PCDH15: variants seen among roughly 807,000 people sequenced by gnomAD.
The protein encoded by PCDH15 is protocadherin related 15.
PCDH15 carries 129 observed loss-of-function variants against 178.5 expected under a neutral mutation model. The ratio of observed to expected loss-of-function variants is 0.72; its 90% CI spans 0.63 to 0.84. The LOEUF (loss-of-function observed/expected upper bound fraction) is 0.84, where lower values mean the gene tolerates loss of function less well. Ranked by LOEUF, PCDH15 falls within the 40% of genes least tolerant of loss-of-function variation. The pLI is 0.00. For missense variants in PCDH15, 2,230 were observed against 2,099.9 expected (o/e 1.06, Z -1.21); for synonymous variants, 800 against 732.0 (o/e 1.09, Z -1.50).
At chr10:54,972,923 A>G (rs1209917841) in intron 2 of PCDH15, among the ~76,000 whole-genome samples, 1 of 151,542 alleles carries the variant, frequency 6.6e-6, no homozygotes, top group Non-Finnish European at 1.5e-5. Context: ...TTATTTTATA[A>G]AAAAGAATGA....
chr10:54,345,801 C>CAAAAAAAA lies in PCDH15; in HGVS notation c.594+556_594+563dup, dbSNP rs540507383. ...TGGGCAACAGAGCGAGACTCCGTCT[C>CAAAAAAAA]AAAAAAAAAAAAAAAAAAAAAAAAA... On this transcript the variant is annotated intron_variant, in intron 6 of 37. Transcript: ENST00000644397. 3.4e-4 allele frequency among the ~76,000 whole-genome samples: 18 copies of CAAAAAAAA among 52,464 alleles called. 1 individual carries two copies. Among genetic ancestry groups the CAAAAAAAA allele is most frequent in the East Asian group, 1.1e-3 (1 of 876 alleles). The allele number at this position is 52,464 out of a possible 152,430, so 34.4% of individuals were successfully genotyped here.
intron 2 of PCDH15, among the ~76,000 whole-genome samples, chr10:55,414,170 A>G (rs796331036): frequency 2.6e-4 from 39 of 151,740 alleles, no homozygotes; most frequent in African/African-American, 8.9e-4. Flanking sequence ...TTGCCTCATT[A>G]AAAGTGTGCC....
At chr10:54,337,903 G>T (rs565488098) in intron 6 of PCDH15, among the ~76,000 whole-genome samples, 2 of 152,162 alleles carry the variant, frequency 1.3e-5, no homozygotes, top group African/African-American at 2.4e-5. Flanking sequence ...TCTGAAATGT[G>T]TCTTAGCTTG....
chr10:55,594,325 G>T (rs1378209863), intron 2 of PCDH15, among the ~76,000 whole-genome samples: 2 of 151,858 alleles, frequency 1.3e-5, no homozygotes, highest in Non-Finnish European at 2.9e-5. Context: ...TTTTAGAGTT[G>T]TTTGATGCAA....
chr10:55,169,564 A>T (rs762125321), intron 1 of PCDH15, among the ~76,000 whole-genome samples: 54 of 152,162 alleles, frequency 3.5e-4, no homozygotes, highest in Non-Finnish European at 7.2e-4. Context: ...ATTAACATAA[A>T]AGCAGGTTTT....
chr10:55,588,740 A>C (rs2132128703), intron 2 of PCDH15, among the ~76,000 whole-genome samples: 1 of 152,292 alleles, frequency 6.6e-6, no homozygotes, highest in Non-Finnish European at 1.5e-5. Flanking sequence ...GAAGTCAAAA[A>C]GGTGAATATA....
intron 15 of PCDH15, among the ~76,000 whole-genome samples, chr10:54,116,790 T>G (rs940272948): frequency 7.2e-5 from 11 of 152,218 alleles, no homozygotes; most frequent in African/African-American, 2.7e-4. Flanking sequence ...AATTTTAAAG[T>G]GATTTGACAG....
At chr10:55,403,684 C>A (rs1838128669) in intron 2 of PCDH15, among the ~76,000 whole-genome samples, 1 of 151,852 alleles carries the variant, frequency 6.6e-6, no homozygotes, top group Admixed American at 6.6e-5. Flanking sequence ...GTCTAGGTGT[C>A]TGTTTTTATA....
At chr10:55,140,213 C>G (rs1838309527) in intron 2 of PCDH15, among the ~76,000 whole-genome samples, 1 of 151,850 alleles carries the variant, frequency 6.6e-6, no homozygotes, top group Non-Finnish European at 1.5e-5. Flanking sequence ...TACATATCAT[C>G]TGCAAATAAG....
At chr10:55,221,425 A>T (rs1417394199) in intron 1 of PCDH15, among the ~76,000 whole-genome samples, 2 of 152,158 alleles carry the variant, frequency 1.3e-5, no homozygotes, top group East Asian at 3.9e-4. Flanking sequence ...TAAATTTCAT[A>T]CAGCCTGTAA....
At position 54,355,866 on chromosome 10, in the gene PCDH15, T is replaced by C. The variant is rs867967781; in HGVS notation, c.475-9382A>G. 3.3e-5 allele frequency among the ~76,000 whole-genome samples: 5 copies of C among 152,148 alleles called. No homozygotes were observed. The South Asian group carries it at 6.2e-4, about 19-fold the overall frequency. Reference sequence around the variant, plus strand: ...CAAATCTCTATTGCTAGAACATGCCTAAACCATTGAAAAGCATTCAATAAG... The same window carrying C: ...CAAATCTCTATTGCTAGAACATGCCCAAACCATTGAAAAGCATTCAATAAG... On this transcript the variant is annotated intron_variant, in intron 5 of 37. Transcript: ENST00000644397.
chr10:54,888,567 T>C (rs536442044), intron 3 of PCDH15, among the ~76,000 whole-genome samples: 113 of 152,108 alleles, frequency 7.4e-4, no homozygotes, highest in African/African-American at 2.6e-3. Context: ...TAGGATGGCT[T>C]GGCAGGTTCA....
intron 2 of PCDH15, among the ~76,000 whole-genome samples, chr10:55,532,629 G>A (rs1006883770): frequency 1.2e-4 from 19 of 152,076 alleles, no homozygotes; most frequent in Non-Finnish European, 1.6e-4. Flanking sequence ...GGATGAAGCA[G>A]CTTTGTGTTC....
chr10:54,581,751 G>A (rs1047356494), intron 2 of PCDH15, among the ~76,000 whole-genome samples: 1 of 151,996 alleles, frequency 6.6e-6, no homozygotes, highest in South Asian at 2.1e-4. Context: ...ACAGAAAAGA[G>A]AACCCAGAAG....
chr10:54,144,751 A>G (rs1002950138), intron 14 of PCDH15, among the ~76,000 whole-genome samples: 1 of 152,180 alleles, frequency 6.6e-6, no homozygotes. Context: ...ATTGAAAAAG[A>G]TCCTTAAAAC....
Position 55,065,585 on chromosome 10 carries a change from G to T in PCDH15, c.-80+100991C>A, listed in dbSNP as rs546507852. Among the ~76,000 whole-genome samples the T allele has an allele frequency of 2.6e-5, 4 of 152,140 alleles. No homozygotes were observed. The South Asian group carries it at 8.3e-4, about 32-fold the overall frequency. On this transcript the variant is annotated intron_variant, in intron 2 of 5. Coordinates refer to the PCDH15 transcript ENST00000458638. ...CTGTTTTACCACTCTATGAACCCAG[G>T]AGAGTAGATACTGTTTCCTTACCAA...
At chr10:55,173,123 T>G (rs1839384087) in intron 1 of PCDH15, among the ~76,000 whole-genome samples, 1 of 151,956 alleles carries the variant, frequency 6.6e-6, no homozygotes, top group Non-Finnish European at 1.5e-5. Flanking sequence ...TGATTTTGCT[T>G]TGTAATTGGC....
chr10:54,340,648 G>T (rs1156956706), intron 6 of PCDH15, among the ~76,000 whole-genome samples: 1 of 152,082 alleles, frequency 6.6e-6, no homozygotes, highest in East Asian at 1.9e-4. Flanking sequence ...ATGAAAGCAA[G>T]CAAAATACTC....
At chr10:54,968,441 A>AT (rs56262769) in intron 2 of PCDH15, among the ~76,000 whole-genome samples, 144,696 of 149,822 alleles carry the variant, frequency 0.97, 69,897 homozygotes, top group East Asian at 0.99. Context: ...ATAGATTGAC[A>AT]TTTTTTTTTT....
Sources: allele counts gnomAD v4.1 joint callset (sites outside exome capture counted in the v4.1 genomes callset), GRCh38; gene constraint gnomAD v4.1.1; transcripts MANE v1.5; gene names NCBI Gene and HGNC (gene_info 2026-07-23, HGNC 2026-07-21).